Variants in DPYSL2 observed in about 807,000 individuals in gnomAD.
The protein encoded by DPYSL2 is dihydropyrimidinase-related protein 2.
In DPYSL2, 13 loss-of-function variants were observed where a neutral mutation model predicts 69.9. That is an observed-to-expected ratio of 0.19 (90% CI 0.12 to 0.30). The LOEUF is 0.30. Ranked by LOEUF, DPYSL2 falls within the 10% of genes least tolerant of loss-of-function variation. The probability of loss-of-function intolerance (pLI) is 1.00; values close to 1 mark genes in which losing one functional copy is unlikely to be tolerated. For missense variants in DPYSL2, 587 were observed against 918.9 expected, an observed-to-expected ratio of 0.64 and a Z score of 4.67; for synonymous variants, 326 against 359.1, an observed-to-expected ratio of 0.91 and a Z score of 1.04.
Position 26,553,898 on chromosome 8 carries a change from C to CTTTTT in DPYSL2, c.355-28057_355-28053dup, listed in dbSNP as rs35594312. On this transcript the variant is annotated intron_variant, in intron 1 of 13. Coordinates refer to ENST00000521913, the MANE Select transcript of DPYSL2 (RefSeq NM_001197293.3). ...CTCATCAGTACCTGTTATTTTTGGG[C>CTTTTT]TTTTTTTTTTTTTTTTTTGAGACGG... Among the ~76,000 whole-genome samples, 9 of 117,068 alleles carry CTTTTT rather than the reference C, an allele frequency of 7.7e-5. 1 individual carries two copies. The highest frequency in any genetic ancestry group is 2.0e-4 in the Admixed American group (2 of 10,236). The allele number at this position is 117,068 out of a possible 152,430, so 76.8% of individuals were successfully genotyped here. A position where few individuals can be genotyped will look rare whatever the true frequency, so the allele number is the denominator to read the frequency against.
chr8:26,576,046 C>CGT (rs1801322090), intron 1 of DPYSL2, among the ~76,000 whole-genome samples: 2 of 152,184 alleles, frequency 1.3e-5, no homozygotes, highest in Non-Finnish European at 2.9e-5. Context: ...TTGCTTGCGG[C>CGT]ATATCAGATT....
At chr8:26,646,910 G>A (rs1803176277) in intron 10 of DPYSL2, among the ~76,000 whole-genome samples, 1 of 151,902 alleles carries the variant, frequency 6.6e-6, no homozygotes, top group South Asian at 2.1e-4. Flanking sequence ...TTGAGCCTGA[G>A]AGGCCGAGGC....
intron 3 of DPYSL2, among the ~76,000 whole-genome samples, chr8:26,584,754 G>T (rs1405616778): frequency 6.6e-6 from 1 of 151,668 alleles, no homozygotes; most frequent in Non-Finnish European, 1.5e-5. Context: ...CGAGTAGCCG[G>T]GACTACAGGC....
In DPYSL2 at chr8:26,598,676, G is replaced by A. The variant is rs753362985; in HGVS notation, c.628+14693G>A. ...CACAAAGTACTTTGAAATAAAGATTGGCTCGCAGGGCAGGTTGAAGCTTCA... is the reference window on the plus strand; with the variant it reads ...CACAAAGTACTTTGAAATAAAGATTAGCTCGCAGGGCAGGTTGAAGCTTCA... On this transcript the variant is annotated intron_variant, in intron 3 of 13. Transcript: ENST00000521913. The surrounding 1 kb of genome is among the most constrained non-coding windows in gnomAD (Gnocchi z 4.2). Among the ~76,000 whole-genome samples the A allele has an allele frequency of 3.9e-5, 6 of 152,118 alleles. No individual in the cohort carries two copies. Among genetic ancestry groups the A allele is most frequent in the African/African-American group, 9.7e-5 (4 of 41,426 alleles).
chr8:26,523,995 A>G (rs1166668294), intron 1 of DPYSL2, among the ~76,000 whole-genome samples: 1 of 152,252 alleles, frequency 6.6e-6, no homozygotes, highest in Admixed American at 6.5e-5. Flanking sequence ...CTATGCAAAT[A>G]TCTATCTGAG....
At position 26,643,831 on chromosome 8, in the gene DPYSL2, C is replaced by T. The variant is rs775801065; in HGVS notation, c.1284-119C>T. The T allele has an allele frequency of 4.4e-5, 60 of 1,352,230 alleles. No homozygotes were observed. The highest frequency in any genetic ancestry group is 1.6e-4 in the African/African-American group (11 of 68,558). 83.8% of individuals were successfully genotyped at this position (1,352,230 alleles called of 1,614,324 possible). On this transcript the variant is annotated intron_variant, in intron 9 of 13. Coordinates refer to ENST00000521913, the MANE Select transcript of DPYSL2 (RefSeq NM_001197293.3). This position sits in a 1 kb window ranked among gnomAD's most constrained non-coding sequence, Gnocchi z 6.5. ...AGTCAAGCCAAGAAGGGAGAGGAGG[C>T]GTCAAAAGGACTCCACTTGGGTTGG...
chr8:26,535,630 TA>T (rs1436253073), intron 1 of DPYSL2, among the ~76,000 whole-genome samples: 1 of 149,552 alleles, frequency 6.7e-6, no homozygotes, highest in African/African-American at 2.5e-5. Flanking sequence ...TATATATATA[TA>T]TATATTTTTT....
chr8:26,633,598 G>A (rs1394153043), intron 7 of DPYSL2, among the ~76,000 whole-genome samples: 1 of 151,920 alleles, frequency 6.6e-6, no homozygotes, highest in Non-Finnish European at 1.5e-5. Context: ...CTCCTGAGTA[G>A]TTGGAATTAC....
intron 1 of DPYSL2, among the ~76,000 whole-genome samples, chr8:26,546,376 C>T (rs1244026883): frequency 6.6e-6 from 1 of 152,146 alleles, no homozygotes; most frequent in African/African-American, 2.4e-5. Context: ...TTATCAGTTC[C>T]AGTTTTTTTG....
At chr8:26,576,832 C>A (rs1362607847) in intron 1 of DPYSL2, among the ~76,000 whole-genome samples, 1 of 152,262 alleles carries the variant, frequency 6.6e-6, no homozygotes, top group African/African-American at 2.4e-5. Context: ...GTCCCATCCA[C>A]TGGCACTGTA....
rs530568293 is a variant in DPYSL2 at position 26,546,763 on chromosome 8, C to A, written c.354+32084C>A. On this transcript the variant is annotated intron_variant, in intron 1 of 13. Coordinates refer to ENST00000521913, the MANE Select transcript of DPYSL2 (RefSeq NM_001197293.3). ...TGAAACCTCGTCTCTACTAAAAATTCAAAAAAAATTAGCCGGGCGTGGTGG... is the reference window on the plus strand; with the variant it reads ...TGAAACCTCGTCTCTACTAAAAATTAAAAAAAAATTAGCCGGGCGTGGTGG... Among the ~76,000 whole-genome samples the A allele has an allele frequency of 1.3e-3, 200 of 149,304 alleles. 1 individual carries two copies. Among genetic ancestry groups the A allele is most frequent in the Middle Eastern group, 3.5e-3 (1 of 288 alleles).
chr8:26,592,827 T>G (rs953298324), intron 3 of DPYSL2, among the ~76,000 whole-genome samples: 15 of 152,172 alleles, frequency 9.9e-5, no homozygotes, highest in Admixed American at 9.2e-4. Context: ...AAGGGATTTG[T>G]GTTTTCTGAC....
rs571297828 is a variant in DPYSL2, at chr8:26,560,496, CCACAGCT to C, written c.355-21452_355-21446del. On this transcript the variant is annotated intron_variant, in intron 1 of 13. Transcript: ENST00000521913. This position sits in a 1 kb window ranked among gnomAD's most constrained non-coding sequence, Gnocchi z 4.4. ...TGAAGGCAGACATAAATGAGTTTGTCCACAGCTCACAGCTCACAGCTCACAGCCAGGC... is the reference window on the plus strand; with the variant it reads ...TGAAGGCAGACATAAATGAGTTTGTCCACAGCTCACAGCTCACAGCCAGGC... Among the ~76,000 whole-genome samples, 1,389 of 152,206 alleles carry C rather than the reference CCACAGCT, an allele frequency of 9.1e-3. 9 individuals are homozygous for C. The highest frequency in any genetic ancestry group is 0.014 in the Non-Finnish European group (927 of 68,008).
At chr8:26,613,259 C>G (rs1241274971) in intron 3 of DPYSL2, among the ~76,000 whole-genome samples, 1 of 152,248 alleles carries the variant, frequency 6.6e-6, no homozygotes, top group African/African-American at 2.4e-5. Context: ...TGGGCCTTCT[C>G]TCTGCCTGCT....
chr8:26,631,724 G>A (rs1248603095), intron 7 of DPYSL2, among the ~76,000 whole-genome samples: 2 of 152,062 alleles, frequency 1.3e-5, no homozygotes, highest in Non-Finnish European at 2.9e-5. Context: ...TGTATGCCAG[G>A]CCCTGAGTCC....
chr8:26,645,484 T>C (rs966169354), intron 10 of DPYSL2, among the ~76,000 whole-genome samples: 1 of 152,206 alleles, frequency 6.6e-6, no homozygotes, highest in East Asian at 1.9e-4. Flanking sequence ...TGGAAATATC[T>C]CCACCTGCTT....
chr8:26,515,908 C>G (rs1047261290), intron 1 of DPYSL2, among the ~76,000 whole-genome samples: 1 of 152,150 alleles, frequency 6.6e-6, no homozygotes, highest in African/African-American at 2.4e-5. Flanking sequence ...TGGGAGTGGT[C>G]TATACATATT....
Position 26,591,572 on chromosome 8 carries a change from C to T in DPYSL2, c.628+7589C>T, listed in dbSNP as rs1384462821. Among the ~76,000 whole-genome samples the T allele has an allele frequency of 6.6e-6, 1 of 152,178 alleles. No individual in the cohort carries two copies. The highest frequency in any genetic ancestry group is 1.5e-5 in the Non-Finnish European group (1 of 68,040). On this transcript the variant is annotated intron_variant, in intron 3 of 13. Transcript: ENST00000521913. This position sits in a 1 kb window ranked among gnomAD's most constrained non-coding sequence, Gnocchi z 5.8. The stretch of plus-strand genomic sequence containing the variant: ...CAATGAGTCTGATGGGAGCCAGACC[C>T]GTTACTCCTTCTACTCATGATAGCT...
intron 1 of DPYSL2, chr8:26,577,748 C>A: frequency 2.1e-6 from 2 of 952,926 alleles, no homozygotes; most frequent in Non-Finnish European, 1.2e-6. Flanking sequence ...GCGCTCGCGC[C>A]GCCTGCCGCC....
Sources: gnomAD v4.1 joint callset for allele counts (sites outside exome capture counted in the v4.1 genomes callset) on GRCh38, gnomAD v4.1.1 for gene constraint, Gnocchi (gnomAD v3.1) non-coding constraint, MANE v1.5 for transcripts, NCBI Gene and HGNC (gene_info 2026-07-23, HGNC 2026-07-21) for gene names.